SLIT3: variants seen among roughly 807,000 people sequenced by gnomAD.
SLIT3 encodes the protein slit homolog 3 protein.
SLIT3 carries 68 observed loss-of-function variants against 184.0 expected under a neutral mutation model. That is an observed-to-expected ratio of 0.37 (90% CI 0.30 to 0.45). The LOEUF (loss-of-function observed/expected upper bound fraction) is 0.45, where lower values mean the gene tolerates loss of function less well. Among genes scored for constraint, SLIT3 ranks in the 20% least tolerant of loss-of-function variants. The probability of loss-of-function intolerance (pLI) is 1.00; values close to 1 mark genes in which losing one functional copy is unlikely to be tolerated. For missense variants in SLIT3, 1,707 were observed against 2,026.0 expected, an observed-to-expected ratio of 0.84 and a Z score of 3.02; for synonymous variants, 831 against 828.6, an observed-to-expected ratio of 1.00 and a Z score of -0.05.
At chr5:168,961,400 C>T (rs553065042) in intron 4 of SLIT3, among the ~76,000 whole-genome samples, 1 of 152,306 alleles carries the variant, frequency 6.6e-6, no homozygotes, top group Admixed American at 6.5e-5. Flanking sequence ...TAGACAGACT[C>T]TATGCTGTTT....
intron 4 of SLIT3, among the ~76,000 whole-genome samples, chr5:169,117,074 G>A (rs1760694943): frequency 6.6e-6 from 1 of 152,194 alleles, no homozygotes; most frequent in Non-Finnish European, 1.5e-5. Context: ...GCAAGTCAGA[G>A]GCTGCCCCAA....
intron 4 of SLIT3, among the ~76,000 whole-genome samples, chr5:169,095,049 A>G (rs72832187): frequency 0.058 from 8,812 of 152,292 alleles, 415 homozygotes; most frequent in Admixed American, 0.14. Context: ...CTGCTTTCCT[A>G]ACAGCTAGTC....
chr5:168,701,840 T>C (rs908952254), intron 26 of SLIT3, among the ~76,000 whole-genome samples: 2 of 152,238 alleles, frequency 1.3e-5, no homozygotes, highest in Non-Finnish European at 1.5e-5. Flanking sequence ...GCTCGCCATC[T>C]GCCTGAGAAA....
Position 168,710,895 on chromosome 5 carries a change from C to G in SLIT3, c.2719G>C (p.Gly907Arg). ...AGGGTGGGGTGTGGGCGTCACCTAC[C>G]TTTGCACTGGAAGCGGTGGGTTGGG... is the stretch of plus-strand genomic sequence containing the variant. ...TTPTHRFQCK[G>R]PVDINIVAKC... is the part of the protein sequence containing the mutation. The change falls in exon 25 of 36, where the codon GGG becomes CGG. Residue 907 changes from glycine to arginine, a missense_variant and splice_region_variant. Gly to Arg is a moderately radical substitution (Grantham distance 125). Coordinates refer to ENST00000519560, the MANE Select transcript of SLIT3 (RefSeq NM_003062.4). 6.5e-7 allele frequency: 1 copy of G among 1,538,762 alleles called. No homozygotes were observed. The highest frequency in any genetic ancestry group is 2.4e-5 in the East Asian group (1 of 41,832).
intron 8 of SLIT3, among the ~76,000 whole-genome samples, chr5:168,811,892 T>C (rs56212109): frequency 6.6e-6 from 1 of 152,328 alleles, no homozygotes; most frequent in African/African-American, 2.4e-5. Flanking sequence ...AATCATTGTG[T>C]TGGTGAGGTA....
chr5:169,065,351 A>G (rs1758314357), intron 4 of SLIT3, among the ~76,000 whole-genome samples: 1 of 152,218 alleles, frequency 6.6e-6, no homozygotes, highest in African/African-American at 2.4e-5. Context: ...AATATTCCCC[A>G]TTTGATGCCA....
Position 168,774,300 on chromosome 5 carries a change from C to T in SLIT3, c.1230G>A (p.Leu410=), listed in dbSNP as rs766620707. 5 of 1,613,964 alleles carry T rather than the reference C, an allele frequency of 3.1e-6. No individual in the cohort carries two copies. The highest frequency in any genetic ancestry group is 1.3e-5 in the African/African-American group (1 of 74,930). ...QDLQNLNLLS[L]YDNKLQTISK... ...TGATGGTCTGCAGCTTGTTGTCATA[C>T]AGGGAGAGCAAGTTGAGGTTCTGCA... The change falls in exon 13 of 36, where the codon CTG becomes CTA. Residue 410 remains leucine, a synonymous_variant. Coordinates refer to ENST00000519560, the MANE Select transcript of SLIT3 (RefSeq NM_003062.4).
chr5:168,863,412 T>C (rs1220278019), intron 5 of SLIT3, among the ~76,000 whole-genome samples: 1 of 152,180 alleles, frequency 6.6e-6, no homozygotes, highest in Non-Finnish European at 1.5e-5. Context: ...GGTCATGGGG[T>C]TGGCTGCTGG....
In SLIT3 at chr5:169,102,443, T is replaced by C. The variant is rs1455816394; in HGVS notation, c.413+91036A>G. Among the ~76,000 whole-genome samples the C allele has an allele frequency of 1.3e-5, 2 of 152,306 alleles. 1 individual carries two copies. The highest frequency in any genetic ancestry group is 3.9e-4 in the East Asian group (2 of 5,188). ...GCCCTTCATATAAAATGGTATAGTA[T>C]TTGCATATAACCACTGCACATCCTC... On this transcript the variant is annotated intron_variant, in intron 4 of 35. Transcript: ENST00000519560.
At chr5:168,970,150 C>T (rs961874190) in intron 4 of SLIT3, among the ~76,000 whole-genome samples, 1 of 151,888 alleles carries the variant, frequency 6.6e-6, no homozygotes, top group African/African-American at 2.4e-5. Flanking sequence ...CACTGCACTC[C>T]AGCCTGGGCA....
intron 3 of SLIT3, among the ~76,000 whole-genome samples, chr5:169,235,469 T>C (rs975578189): frequency 6.6e-6 from 1 of 152,240 alleles, no homozygotes; most frequent in African/African-American, 2.4e-5. Context: ...ATATAGCCCA[T>C]ACCCAATTTC....
At chr5:168,796,753 T>C (rs1581092295) in intron 9 of SLIT3, among the ~76,000 whole-genome samples, 1 of 152,190 alleles carries the variant, frequency 6.6e-6, no homozygotes, top group Admixed American at 6.5e-5. Flanking sequence ...TGTGCCTCTG[T>C]GATCTCATCT....
At chr5:168,907,466 C>T (rs563672792) in intron 4 of SLIT3, among the ~76,000 whole-genome samples, 2 of 152,214 alleles carry the variant, frequency 1.3e-5, no homozygotes, top group South Asian at 2.1e-4. Context: ...AAAGAAAAGG[C>T]CAGGAAGGTA....
chr5:169,258,848 A>G (rs1288331030), intron 1 of SLIT3, among the ~76,000 whole-genome samples: 2 of 152,234 alleles, frequency 1.3e-5, no homozygotes, highest in East Asian at 3.8e-4. Context: ...ATCTGGGAAG[A>G]GCAAGGAGTG....
At chr5:168,725,391 C>T (rs1763077976) in intron 20 of SLIT3, among the ~76,000 whole-genome samples, 1 of 152,204 alleles carries the variant, frequency 6.6e-6, no homozygotes, top group African/African-American at 2.4e-5. Context: ...GGGGACATGC[C>T]ACCCTTGCTG....
Position 169,214,792 on chromosome 5 carries a change from C to G in SLIT3, c.342-21242G>C, listed in dbSNP as rs184256892. On this transcript the variant is annotated intron_variant, in intron 3 of 35. Coordinates refer to ENST00000519560, the MANE Select transcript of SLIT3 (RefSeq NM_003062.4). ...TCCATCCCCAACCTGGTCCCCATCT[C>G]AGAGAATAGCTCTGAGCAAGGGCTC... Among the ~76,000 whole-genome samples the G allele has an allele frequency of 4.4e-4, 67 of 152,344 alleles. No homozygotes were observed. In the East Asian group the frequency reaches 9.8e-3, roughly 22 times the overall value.
intron 4 of SLIT3, among the ~76,000 whole-genome samples, chr5:169,029,972 T>C (rs1756963549): frequency 6.6e-6 from 1 of 152,206 alleles, no homozygotes; most frequent in Non-Finnish European, 1.5e-5. Flanking sequence ...ACCTGAATGC[T>C]GTCCTCTGCC....
intron 4 of SLIT3, among the ~76,000 whole-genome samples, chr5:169,183,345 C>T (rs1451943070): frequency 1.3e-5 from 2 of 152,116 alleles, no homozygotes; most frequent in Non-Finnish European, 2.9e-5. Flanking sequence ...GCTGTATGTG[C>T]GAGGAGGTGA....
chr5:168,880,855 C>G (rs1040382083), intron 5 of SLIT3, among the ~76,000 whole-genome samples: 2 of 152,138 alleles, frequency 1.3e-5, no homozygotes, highest in East Asian at 3.9e-4. Context: ...CCCCTCATTA[C>G]GTATAGCTAC....
Sources: gnomAD v4.1 joint callset for allele counts (sites outside exome capture counted in the v4.1 genomes callset) on GRCh38, gnomAD v4.1.1 for gene constraint, MANE v1.5 for transcripts, NCBI Gene and HGNC (gene_info 2026-07-23, HGNC 2026-07-21) for gene names.